The following FAS variants were observed in gnomAD, a reference collection of about 807,000 sequenced individuals.
FAS encodes Fas cell surface death receptor.
A neutral mutation model predicts 33.2 loss-of-function variants in FAS; 5 were observed. That is an observed-to-expected ratio of 0.15 (90% CI 0.08 to 0.32). The LOEUF (loss-of-function observed/expected upper bound fraction) is 0.32, where lower values mean the gene tolerates loss of function less well. Ranked by LOEUF, FAS falls within the 10% of genes least tolerant of loss-of-function variation. The probability of loss-of-function intolerance (pLI) is 1.00; values close to 1 mark genes in which losing one functional copy is unlikely to be tolerated. For synonymous variants in FAS, 131 were observed against 130.7 expected (o/e 1.00, Z -0.01); for missense variants, 339 against 386.0 (o/e 0.88, Z 1.02).
rs1847139712 is a variant in FAS at position 88,990,915 on chromosome 10, T to G, written c.30+9T>G. ...GGACCCTCCTACCTCTGGTGAGCCCTCTCCTGCCCGGGTGGAGGCTTACCC... is the reference window on the plus strand; with the variant it reads ...GGACCCTCCTACCTCTGGTGAGCCCGCTCCTGCCCGGGTGGAGGCTTACCC... On this transcript the variant is annotated intron_variant, in intron 1 of 8. Coordinates refer to ENST00000652046, the MANE Select transcript of FAS (RefSeq NM_000043.6). The surrounding 1 kb of genome is among the most constrained non-coding windows in gnomAD (Gnocchi z 4.9). The G allele has an allele frequency of 6.2e-7, 1 of 1,614,028 alleles. No homozygotes were observed. The highest frequency in any genetic ancestry group is 1.3e-5 in the African/African-American group (1 of 74,942).
chr10:88,994,769 TAG>T (rs1410100353), intron 1 of FAS, among the ~76,000 whole-genome samples: 4 of 151,716 alleles, frequency 2.6e-5, no homozygotes, highest in African/African-American at 9.7e-5. Context: ...GGATACATTA[TAG>T]AGAGAGCATT....
At chr10:88,980,764 C>G (rs1416482562) in intron 2 of FAS, among the ~76,000 whole-genome samples, 3 of 152,200 alleles carry the variant, frequency 2.0e-5, no homozygotes, top group African/African-American at 7.2e-5. Context: ...AAGTCAAGTA[C>G]AGTTACAAGG....
At chr10:88,968,488 G>T (rs1469913200) in intron 1 of FAS, among the ~76,000 whole-genome samples, 1 of 152,122 alleles carries the variant, frequency 6.6e-6, no homozygotes, top group African/African-American at 2.4e-5. Flanking sequence ...GGTAACACGG[G>T]CACTCTGCTG....
intron 6 of FAS, among the ~76,000 whole-genome samples, 170 bp from the exon 7 acceptor site, chr10:89,011,829 A>T (rs1054816937): frequency 1.4e-4 from 21 of 152,234 alleles, no homozygotes; most frequent in South Asian, 4.1e-4. Flanking sequence ...CACTTGACTT[A>T]GTAGTACGAA....
At chr10:88,973,148 C>T (rs1846487382) in intron 1 of FAS, 3 of 1,571,082 alleles carry the variant, frequency 1.9e-6, no homozygotes, top group Non-Finnish European at 2.6e-6. Context: ...CCTCCCAATC[C>T]TCTCACCTTC....
chr10:89,007,753 C>G lies in FAS; in HGVS notation c.250C>G (p.Pro84Ala). ...TVNGDEPDCV[P>A]CQEGKEYTDK... ...CAATGGGGATGAACCAGACTGCGTG[C>G]CCTGCCAAGAAGGGAAGGAGTACAC... The change falls in exon 3 of 9, where the codon CCC becomes GCC. Residue 84 changes from proline to alanine, a missense_variant. Physicochemically the swap from Pro to Ala is conservative, Grantham distance 27. Around this residue, in one of 3 missense-constraint regions of FAS, gnomAD observed 276 missense variants for 300.1 expected, o/e 0.92. Transcript: ENST00000652046. 6.2e-7 allele frequency: 1 copy of G among 1,614,016 alleles called. No individual in the cohort carries two copies. Among genetic ancestry groups the G allele is most frequent in the Non-Finnish European group, 8.5e-7 (1 of 1,179,956 alleles).
At chr10:88,971,845 CT>C (rs1254891469) in intron 1 of FAS, among the ~76,000 whole-genome samples, 1 of 151,972 alleles carries the variant, frequency 6.6e-6, no homozygotes, top group Non-Finnish European at 1.5e-5. Flanking sequence ...TACAGTTTGC[CT>C]AACAGTTTAT....
At chr10:88,986,023 T>C (rs1846871489), upstream of FAS, among the ~76,000 whole-genome samples, 1 of 152,228 alleles carries the variant, frequency 6.6e-6, no homozygotes, top group South Asian at 2.1e-4. Context: ...GGTTATAATG[T>C]AATGTTTTAT....
At position 89,012,005 on chromosome 10, in the gene FAS, G is replaced by A. The variant is rs371290262; in HGVS notation, c.575G>A (p.Arg192Lys). ...LPIPLIVWVK[R>K]KEVQKTCRKH... ...AATTTCTTTGTTCTTTCAGTGAAGA[G>A]AAAGGAAGTACAGAAAACATGCAGA... is the stretch of plus-strand genomic sequence containing the variant. Residue 192 changes from arginine to lysine, a missense_variant, in exon 7 of 9, where the codon AGA becomes AAA. Around this residue, in one of 3 missense-constraint regions of FAS, gnomAD observed 276 missense variants for 300.1 expected, o/e 0.92. Transcript: ENST00000652046. 1.2e-5 allele frequency: 20 copies of A among 1,613,734 alleles called. No homozygotes were observed. In the African/African-American group the frequency reaches 2.4e-4, roughly 19 times the overall value.
Position 89,014,586 on chromosome 10 carries a change from T to A in FAS, c.*136T>A, listed in dbSNP as rs1160022312. The A allele has an allele frequency of 1.2e-6, 1 of 864,596 alleles. No homozygotes were observed. The highest frequency in any genetic ancestry group is 1.9e-6 in the Non-Finnish European group (1 of 535,980). The allele number at this position is 864,596 out of a possible 1,614,324, so 53.6% of individuals were successfully genotyped here. ...TATTAGCGCTGAAGAGCCAACATATTTGTAGATTTTTAATATCTCATGATT... is the reference window on the plus strand; with the variant it reads ...TATTAGCGCTGAAGAGCCAACATATATGTAGATTTTTAATATCTCATGATT... On this transcript the variant is annotated 3_prime_UTR_variant, in exon 9 of 9. Transcript: ENST00000652046.
intron 1 of FAS, among the ~76,000 whole-genome samples, chr10:88,964,820 T>C (rs994094367): frequency 2.0e-5 from 3 of 152,186 alleles, no homozygotes; most frequent in East Asian, 1.9e-4. Context: ...TATGAAAGCA[T>C]GGTCATTCAA....
upstream of FAS, among the ~76,000 whole-genome samples, chr10:88,985,571 C>T (rs183608310): frequency 9.9e-4 from 151 of 152,332 alleles, no homozygotes; most frequent in African/African-American, 3.5e-3. Flanking sequence ...GTCCTCCCTG[C>T]CCATCCATTA....
chr10:89,002,989 C>T (rs778900469), intron 1 of FAS, 40 bp from the exon 2 acceptor site: 1 of 1,612,438 alleles, frequency 6.2e-7, no homozygotes. Context: ...TTGCTTACTT[C>T]AGAAATCAAT....
upstream of FAS, among the ~76,000 whole-genome samples, chr10:88,981,760 G>A (rs1407851593): frequency 1.3e-5 from 2 of 152,144 alleles, no homozygotes; most frequent in East Asian, 1.9e-4. Context: ...CAGATACTAC[G>A]TGTTTCAGTC....
intron 1 of FAS, among the ~76,000 whole-genome samples, chr10:89,001,872 C>T (rs563565986): frequency 2.6e-5 from 4 of 152,290 alleles, no homozygotes; most frequent in East Asian, 3.9e-4. Flanking sequence ...CTCACCCCTG[C>T]GAGAGGTTGC....
Position 89,014,141 on chromosome 10 carries a change from C to A in FAS, c.699C>A (p.Ile233=). Residue 233 remains isoleucine (I), a synonymous_variant, in exon 9 of 9, where the codon ATC becomes ATA. Coordinates refer to ENST00000652046, the MANE Select transcript of FAS (RefSeq NM_000043.6). ...CAGATGTTGACTTGAGTAAATATAT[C>A]ACCACTATTGCTGGAGTCATGACAC... is the stretch of plus-strand genomic sequence containing the variant. ...NLSDVDLSKY[I]TTIAGVMTLS... 6.2e-7 allele frequency: 1 copy of A among 1,613,608 alleles called. No homozygotes were observed. The highest frequency in any genetic ancestry group is 1.1e-5 in the South Asian group (1 of 91,010).
chr10:88,992,813 G>A (rs1023881975), intron 1 of FAS, among the ~76,000 whole-genome samples: 93 of 152,004 alleles, frequency 6.1e-4, no homozygotes, highest in Non-Finnish European at 4.1e-4. Flanking sequence ...TTGGTTTTGC[G>A]CTCACGACAT....
intron 1 of FAS, among the ~76,000 whole-genome samples, chr10:88,996,432 G>C (rs188274549): frequency 1.3e-5 from 2 of 151,780 alleles, no homozygotes; most frequent in Non-Finnish European, 2.9e-5. Context: ...GGTTACCAGA[G>C]GCTAGTTGGG....
upstream of FAS, among the ~76,000 whole-genome samples, chr10:88,984,830 C>T (rs189690679): frequency 1.1e-4 from 17 of 152,276 alleles, no homozygotes; most frequent in East Asian, 3.3e-3. Context: ...AATGGGAGAC[C>T]ATGGGAGGGG....
Sources: allele counts gnomAD v4.1 joint callset (sites outside exome capture counted in the v4.1 genomes callset), GRCh38; gene constraint gnomAD v4.1.1; regional missense constraint gnomAD v4.1.1; non-coding constraint Gnocchi (gnomAD v3.1); transcripts MANE v1.5; gene names NCBI Gene and HGNC (gene_info 2026-07-23, HGNC 2026-07-21).